Variants in PLXNC1 observed in about 807,000 individuals in gnomAD.
PLXNC1 encodes the protein plexin C1, also known as plexin-C1.
In PLXNC1, 75 loss-of-function variants were observed where a neutral mutation model predicts 178.2. The observed-to-expected ratio is 0.42, with a 90% CI of 0.35 to 0.51. The LOEUF (loss-of-function observed/expected upper bound fraction) is 0.51. Ranked by LOEUF, PLXNC1 falls within the 20% of genes least tolerant of loss-of-function variation. The probability of loss-of-function intolerance (pLI) is 0.02; values close to 1 mark genes in which losing one functional copy is unlikely to be tolerated. For missense variants in PLXNC1, 1,503 were observed against 1,984.4 expected (o/e 0.76, Z 4.61); for synonymous variants, 790 against 779.9 (o/e 1.01, Z -0.22).
intron 20 of PLXNC1, among the ~76,000 whole-genome samples, chr12:94,261,770 G>T (rs1964994420): frequency 6.6e-6 from 1 of 152,146 alleles, no homozygotes; most frequent in Middle Eastern, 3.2e-3. Flanking sequence ...TATGCCACAG[G>T]TTTTAACAGT....
In PLXNC1 at chr12:94,265,438, G is replaced by A. The variant is rs988658659; in HGVS notation, c.3597+213G>A. ...AGATTGGGGGAGAAAATATTGTAAT[G>A]ATGCCTGGGGTACTCATCAATTTCC... On this transcript the variant is annotated intron_variant, in intron 21 of 30. Transcript: ENST00000258526. 2.0e-5 allele frequency among the ~76,000 whole-genome samples: 3 copies of A among 152,200 alleles called. 1 individual carries two copies. The highest frequency in any genetic ancestry group is 4.1e-4 in the South Asian group (2 of 4,832).
intron 9 of PLXNC1, among the ~76,000 whole-genome samples, chr12:94,234,254 T>C (rs1381288461): frequency 6.6e-6 from 1 of 152,198 alleles, no homozygotes; most frequent in Non-Finnish European, 1.5e-5. Context: ...ATTAATGTCA[T>C]GGTAATTTGA....
At chr12:94,263,289 A>G (rs907477269) in intron 20 of PLXNC1, among the ~76,000 whole-genome samples, 1 of 151,478 alleles carries the variant, frequency 6.6e-6, no homozygotes, top group African/African-American at 2.4e-5. Context: ...GTAGGTCTAG[A>G]GTGGAGCTCA....
chr12:94,170,890 C>G (rs1961816817), intron 2 of PLXNC1, among the ~76,000 whole-genome samples: 1 of 152,216 alleles, frequency 6.6e-6, no homozygotes, highest in Non-Finnish European at 1.5e-5. Flanking sequence ...ACACAAGTCA[C>G]TGGGTGACGT....
rs533467358 is a variant in PLXNC1 at position 94,292,876 on chromosome 12, T to C, written c.3880-1610T>C. ...GGATTAGGGATGCTCAACCTGTATA[T>C]ACCTACAGAAAAACAAATAAATTAT... On this transcript the variant is annotated intron_variant, in intron 23 of 30. Transcript: ENST00000258526. 2.9e-4 allele frequency among the ~76,000 whole-genome samples: 44 copies of C among 152,334 alleles called. 1 individual carries two copies. The South Asian group carries it at 8.9e-3, about 31-fold the overall frequency.
intron 1 of PLXNC1, among the ~76,000 whole-genome samples, chr12:94,150,613 C>T (rs1249853538): frequency 6.6e-6 from 1 of 152,262 alleles, no homozygotes; most frequent in Non-Finnish European, 1.5e-5. Flanking sequence ...AAATGCCAGC[C>T]TGCAACAGAG....
intron 15 of PLXNC1, among the ~76,000 whole-genome samples, chr12:94,252,995 G>A (rs925171003): frequency 7.9e-5 from 12 of 151,902 alleles, no homozygotes; most frequent in African/African-American, 2.4e-4. Flanking sequence ...GGTGGATCAC[G>A]AGGTCAGCAG....
At chr12:94,151,052 A>C (rs1960944180) in intron 1 of PLXNC1, among the ~76,000 whole-genome samples, 1 of 152,202 alleles carries the variant, frequency 6.6e-6, no homozygotes. Flanking sequence ...TCAACTCCAC[A>C]TATGGCTCCT....
intron 4 of PLXNC1, among the ~76,000 whole-genome samples, chr12:94,203,994 G>T (rs1963220493): frequency 6.6e-6 from 1 of 152,158 alleles, no homozygotes; most frequent in Admixed American, 6.5e-5. Context: ...GCTCTCTCTT[G>T]CTCTTCCACC....
chr12:94,230,011 G>A (rs371063533), intron 9 of PLXNC1, among the ~76,000 whole-genome samples: 1 of 152,130 alleles, frequency 6.6e-6, no homozygotes, highest in East Asian at 1.9e-4. Context: ...TCAGGATATT[G>A]ACGTTGACAG....
chr12:94,194,421 C>G (rs1205126522), intron 4 of PLXNC1, among the ~76,000 whole-genome samples: 6 of 152,172 alleles, frequency 3.9e-5, no homozygotes, highest in Admixed American at 3.9e-4. Context: ...TGCCACTTCT[C>G]CTCTTCTATA....
intron 1 of PLXNC1, among the ~76,000 whole-genome samples, chr12:94,156,930 G>A (rs1014523667): frequency 6.6e-6 from 1 of 151,962 alleles, no homozygotes; most frequent in African/African-American, 2.4e-5. Context: ...GCCCATGCTG[G>A]TCTCAATCTC....
At chr12:94,241,677 T>G (rs1451957950) in intron 11 of PLXNC1, among the ~76,000 whole-genome samples, 4 of 152,216 alleles carry the variant, frequency 2.6e-5, no homozygotes, top group African/African-American at 2.4e-5. Context: ...TCTGTGTTGT[T>G]GCAAATGACA....
In PLXNC1 at chr12:94,175,402, TTTTTG is replaced by T. The variant is rs1325453071; in HGVS notation, c.1204-6040_1204-6036del. Among the ~76,000 whole-genome samples, 414 of 152,344 alleles carry T rather than the reference TTTTTG, an allele frequency of 2.7e-3. 2 individuals carry two copies. Among genetic ancestry groups the T allele is most frequent in the African/African-American group, 9.6e-3 (400 of 41,576 alleles). On this transcript the variant is annotated intron_variant, in intron 2 of 30. Transcript: ENST00000258526. Reference sequence around the variant, plus strand: ...GTAATCGTAAAGAAAAAAAAATAGTTTTTTGTTTAATTTTTCTCCCCCCTCATTTT... The same window carrying T: ...GTAATCGTAAAGAAAAAAAAATAGTTTTTAATTTTTCTCCCCCCTCATTTT...
At chr12:94,246,428 G>A (rs1373860739) in intron 12 of PLXNC1, among the ~76,000 whole-genome samples, 1 of 152,146 alleles carries the variant, frequency 6.6e-6, no homozygotes, top group Non-Finnish European at 1.5e-5. Flanking sequence ...GGAGAGTGGG[G>A]GTGACATCAT....
Position 94,221,156 on chromosome 12 carries a change from G to A in PLXNC1, c.1702+993G>A, listed in dbSNP as rs189605857. 2.4e-4 allele frequency among the ~76,000 whole-genome samples: 37 copies of A among 152,338 alleles called. No individual in the cohort carries two copies. The East Asian group carries it at 6.7e-3, about 28-fold the overall frequency. The stretch of plus-strand genomic sequence containing the variant: ...TTTCCTGCTGGAATGTAAGCCCCAT[G>A]GAGGCAGGGACTTGGAGAAGACATC... On this transcript the variant is annotated intron_variant, in intron 6 of 30. Transcript: ENST00000258526.
chr12:94,301,147 G>T, intron 28 of PLXNC1, 90 bp downstream of exon 28: 1 of 1,146,258 alleles, frequency 8.7e-7, no homozygotes, highest in Non-Finnish European at 1.3e-6. Context: ...TAAACAATTG[G>T]TCTAAACTAC....
At chr12:94,286,995 C>A (rs999490668) in intron 23 of PLXNC1, among the ~76,000 whole-genome samples, 1 of 152,204 alleles carries the variant, frequency 6.6e-6, no homozygotes, top group Non-Finnish European at 1.5e-5. Context: ...CTGGCTGACA[C>A]CCTTGGCAAC....
chr12:94,153,434 C>T (rs1462176754), intron 1 of PLXNC1, among the ~76,000 whole-genome samples: 1 of 152,172 alleles, frequency 6.6e-6, no homozygotes. Flanking sequence ...TATAACACAC[C>T]TGTGCTTGGA....
Sources: gnomAD v4.1 joint callset for allele counts (sites outside exome capture counted in the v4.1 genomes callset) on GRCh38, gnomAD v4.1.1 for gene constraint, MANE v1.5 for transcripts, NCBI Gene and HGNC (gene_info 2026-07-23, HGNC 2026-07-21) for gene names.